GLI3: variants seen among roughly 807,000 people sequenced by gnomAD.
GLI3 encodes transcription activator GLI3.
A neutral mutation model predicts 100.8 loss-of-function variants in GLI3; 20 were observed. The observed-to-expected ratio is 0.20, with a 90% CI of 0.14 to 0.29. GLI3 has a LOEUF of 0.29. GLI3 is among the 10% of genes least tolerant of loss of function. The probability of loss-of-function intolerance (pLI) is 1.00; values close to 1 mark genes in which losing one functional copy is unlikely to be tolerated. For synonymous variants in GLI3, 938 were observed against 860.5 expected, an observed-to-expected ratio of 1.09 and a Z score of -1.58; for missense variants, 2,040 against 2,128.5, an observed-to-expected ratio of 0.96 and a Z score of 0.82.
At chr7:42,084,901 C>CTTTTTTTTTTTTTT (rs747166719) in intron 3 of GLI3, among the ~76,000 whole-genome samples, 3 of 47,514 alleles carry the variant, frequency 6.3e-5, no homozygotes, top group African/African-American at 2.1e-4. Context: ...CATTTGGATT[C>CTTTTTTTTTTTTTT]TTTTTTTTTT....
intron 3 of GLI3, among the ~76,000 whole-genome samples, chr7:42,138,127 T>C (rs1786474200): frequency 6.6e-6 from 1 of 152,182 alleles, no homozygotes; most frequent in Non-Finnish European, 1.5e-5. Flanking sequence ...GGACCTAGAA[T>C]AGTGTCTGAC....
chr7:42,047,476 C>T (rs914832392), intron 5 of GLI3, among the ~76,000 whole-genome samples: 3 of 152,148 alleles, frequency 2.0e-5, no homozygotes, highest in Admixed American at 6.5e-5. Flanking sequence ...TGGTGATTTG[C>T]GATCTCTTGC....
At chr7:42,154,547 G>C (rs1786955666) in intron 2 of GLI3, among the ~76,000 whole-genome samples, 1 of 151,988 alleles carries the variant, frequency 6.6e-6, no homozygotes, top group Non-Finnish European at 1.5e-5. Context: ...TTATTTCTTT[G>C]GTTATTTACA....
chr7:41,985,859 T>A (rs1276773554), intron 10 of GLI3, among the ~76,000 whole-genome samples: 1 of 152,178 alleles, frequency 6.6e-6, no homozygotes, highest in Non-Finnish European at 1.5e-5. Flanking sequence ...GCCTTATATA[T>A]CAATGTGCAC....
At chr7:42,228,418 C>G (rs556914361) in intron 1 of GLI3, among the ~76,000 whole-genome samples, 1 of 152,340 alleles carries the variant, frequency 6.6e-6, no homozygotes, top group South Asian at 2.1e-4. Context: ...TGAGCTCCAG[C>G]GCCAGCAGCG....
At chr7:42,007,148 A>G (rs1474759930) in intron 10 of GLI3, among the ~76,000 whole-genome samples, 1 of 151,072 alleles carries the variant, frequency 6.6e-6, no homozygotes, top group Non-Finnish European at 1.5e-5. Flanking sequence ...CACCAAAGAT[A>G]TCTTAGCTCC....
chr7:42,051,682 A>G (rs1196432138), intron 4 of GLI3, among the ~76,000 whole-genome samples: 1 of 152,198 alleles, frequency 6.6e-6, no homozygotes, highest in African/African-American at 2.4e-5. Context: ...TTGTTAGCAG[A>G]CTTTGTTTAG....
intron 2 of GLI3, among the ~76,000 whole-genome samples, chr7:42,197,465 C>G (rs1206556049): frequency 6.6e-6 from 1 of 152,240 alleles, no homozygotes; most frequent in Non-Finnish European, 1.5e-5. Context: ...AACACAATCA[C>G]AGTTAAAACA....
intron 2 of GLI3, among the ~76,000 whole-genome samples, chr7:42,199,306 T>C (rs921173919): frequency 6.6e-6 from 1 of 152,206 alleles, no homozygotes; most frequent in South Asian, 2.1e-4. Context: ...CCACAGACAT[T>C]AGTATGCAAG....
intron 2 of GLI3, among the ~76,000 whole-genome samples, chr7:42,191,957 G>A (rs1000538260): frequency 6.6e-6 from 1 of 151,524 alleles, no homozygotes; most frequent in Non-Finnish European, 1.5e-5. Flanking sequence ...AAGCTAAACT[G>A]CCAAGAATAA....
chr7:42,183,778 C>T (rs373595160), intron 2 of GLI3, among the ~76,000 whole-genome samples: 60 of 152,332 alleles, frequency 3.9e-4, no homozygotes, highest in African/African-American at 1.4e-3. Context: ...CCACTTCCCT[C>T]CCTCTTCAGA....
At position 41,966,230 on chromosome 7, in the gene GLI3, A is replaced by T. The variant is rs1416273235; in HGVS notation, c.2843T>A (p.Met948Lys). 1.2e-6 allele frequency: 2 copies of T among 1,608,704 alleles called. No individual in the cohort carries two copies. Among genetic ancestry groups the T allele is most frequent in the Non-Finnish European group, 1.7e-6 (2 of 1,178,988 alleles). Residue 948 changes from methionine (M) to lysine (K), a missense_variant, in exon 15 of 15, where the codon ATG becomes AAG. Met to Lys is a moderately conservative substitution (Grantham distance 95). Transcript: ENST00000395925. This position sits in a 1 kb window ranked among gnomAD's most constrained non-coding sequence, Gnocchi z 5.8. ...GCGCGTCTTCAGGCTCATCCTCTCC[A>T]TGTTGGGCAGGGGCGTCGGCGGCGG... ...GGPPPTPLPN[M>K]ERMSLKTRLA...
intron 10 of GLI3, among the ~76,000 whole-genome samples, chr7:41,981,082 G>A (rs957045088): frequency 2.0e-5 from 3 of 152,208 alleles, no homozygotes; most frequent in Non-Finnish European, 2.9e-5. Context: ...GGTGTGCAGG[G>A]AAGGATGGGG....
At chr7:42,066,500 G>C (rs958789388) in intron 4 of GLI3, among the ~76,000 whole-genome samples, 4 of 152,142 alleles carry the variant, frequency 2.6e-5, no homozygotes, top group Non-Finnish European at 4.4e-5. Flanking sequence ...ATGGTGCAGT[G>C]CATCTCTGGA....
At chr7:42,115,170 G>A (rs1785821305) in intron 3 of GLI3, among the ~76,000 whole-genome samples, 4 of 116,212 alleles carry the variant, frequency 3.4e-5, no homozygotes, top group South Asian at 5.5e-4. Flanking sequence ...ACGGAGTCTC[G>A]CTCTGTCTCC....
rs112779416 is a variant in GLI3, at chr7:42,003,798, G to A, written c.1497+19670C>T. ...ATGCTACGTAAGGCACTCAAGAGAC[G>A]GAAATGATAGATATGACGTAGAATA... On this transcript the variant is annotated intron_variant, in intron 10 of 14. Coordinates refer to ENST00000395925, the MANE Select transcript of GLI3 (RefSeq NM_000168.6). Among the ~76,000 whole-genome samples the A allele has an allele frequency of 9.4e-3, 1,427 of 152,212 alleles. 24 individuals carry two copies. Among genetic ancestry groups the A allele is most frequent in the African/African-American group, 0.031 (1,302 of 41,542 alleles).
At chr7:42,116,542 A>G (rs980814908) in intron 3 of GLI3, among the ~76,000 whole-genome samples, 8 of 151,834 alleles carry the variant, frequency 5.3e-5, no homozygotes, top group Admixed American at 4.6e-4. Flanking sequence ...ATACGTGGGG[A>G]TCTGTTTTCA....
chr7:42,124,867 A>G (rs547613871), intron 3 of GLI3, among the ~76,000 whole-genome samples: 66 of 152,344 alleles, frequency 4.3e-4, no homozygotes, highest in Non-Finnish European at 7.3e-4. Context: ...GGTATTTAAA[A>G]TAGCAAGTCT....
intron 12 of GLI3, among the ~76,000 whole-genome samples, chr7:41,976,429 C>CT (rs1787516256): frequency 6.6e-6 from 1 of 152,162 alleles, no homozygotes; most frequent in Non-Finnish European, 1.5e-5. Context: ...TGTTTTTGCT[C>CT]TGTCAGTTTC....
Sources: allele counts gnomAD v4.1 joint callset (sites outside exome capture counted in the v4.1 genomes callset), GRCh38; gene constraint gnomAD v4.1.1; non-coding constraint Gnocchi (gnomAD v3.1); transcripts MANE v1.5; gene names NCBI Gene and HGNC (gene_info 2026-07-23, HGNC 2026-07-21).